PAK5: variants seen among roughly 807,000 people sequenced by gnomAD.
PAK5 encodes the protein serine/threonine-protein kinase PAK 5.
In PAK5, 16 loss-of-function variants were observed where a neutral mutation model predicts 65.9. The ratio of observed to expected loss-of-function variants is 0.24; its 90% CI spans 0.16 to 0.37. The LOEUF (loss-of-function observed/expected upper bound fraction) is 0.37, where lower values mean the gene tolerates loss of function less well. Ranked by LOEUF, PAK5 falls within the 10% of genes least tolerant of loss-of-function variation. PAK5 has a pLI of 1.00. For synonymous variants in PAK5, 371 were observed against 354.9 expected (o/e 1.05, Z -0.51); for missense variants, 785 against 903.9 (o/e 0.87, Z 1.69).
chr20:9,561,997 A>G (rs2045597994), intron 6 of PAK5, among the ~76,000 whole-genome samples: 2 of 152,304 alleles, frequency 1.3e-5, no homozygotes, highest in South Asian at 4.1e-4. Flanking sequence ...ATTTATGTGG[A>G]CACTGAAATT....
At chr20:9,653,655 C>T (rs1045321302) in intron 2 of PAK5, among the ~76,000 whole-genome samples, 6 of 152,194 alleles carry the variant, frequency 3.9e-5, no homozygotes, top group East Asian at 1.9e-4. Flanking sequence ...TACATCTATA[C>T]CTCTCTCTGA....
At chr20:9,697,272 T>C (rs901834408) in intron 2 of PAK5, among the ~76,000 whole-genome samples, 5 of 152,134 alleles carry the variant, frequency 3.3e-5, no homozygotes, top group Non-Finnish European at 7.4e-5. Context: ...TAACAGATGC[T>C]GAATAACTAT....
At chr20:9,733,099 G>T (rs998985769) in intron 1 of PAK5, among the ~76,000 whole-genome samples, 1 of 152,126 alleles carries the variant, frequency 6.6e-6, no homozygotes, top group Non-Finnish European at 1.5e-5. Context: ...GCAGATACTG[G>T]CTAGGGACTG....
In PAK5 at chr20:9,580,703, T is replaced by C. The variant is rs2045964076; in HGVS notation, c.432A>G (p.Glu144=). Residue 144 remains glutamate, a synonymous_variant, in exon 4 of 10, where the codon GAA becomes GAG. Coordinates refer to ENST00000353224, the MANE Select transcript of PAK5 (RefSeq NM_177990.4). ...ESDTTADYTT[E]KYREKSLYGD... ...CATAGAGACTCTTCTCCCTGTACTTTTCGGTCGTGTAGTCAGCAGTAGTAT... is the reference window on the plus strand; with the variant it reads ...CATAGAGACTCTTCTCCCTGTACTTCTCGGTCGTGTAGTCAGCAGTAGTAT... 6.2e-7 allele frequency: 1 copy of C among 1,613,952 alleles called. No individual in the cohort carries two copies. The highest frequency in any genetic ancestry group is 1.1e-5 in the South Asian group (1 of 91,072).
chr20:9,640,626 G>A (rs1228098560), intron 3 of PAK5, among the ~76,000 whole-genome samples: 3 of 152,112 alleles, frequency 2.0e-5, no homozygotes, highest in Admixed American at 6.5e-5. Flanking sequence ...GCGGACCCTC[G>A]CGGTGAGTGT....
chr20:9,643,526 G>C (rs949674010), intron 3 of PAK5, among the ~76,000 whole-genome samples: 1 of 151,976 alleles, frequency 6.6e-6, no homozygotes, highest in Admixed American at 6.6e-5. Context: ...ATTTGAAATA[G>C]CTCTCTTTTA....
At chr20:9,566,569 A>G (rs1568968027) in intron 4 of PAK5, among the ~76,000 whole-genome samples, 185 bp from the exon 5 acceptor site, 2 of 151,950 alleles carry the variant, frequency 1.3e-5, no homozygotes, top group Admixed American at 6.5e-5. Flanking sequence ...CACGTGCACC[A>G]CAGCAGGAGG....
chr20:9,594,372 C>T (rs1337666726), intron 3 of PAK5, among the ~76,000 whole-genome samples: 1 of 152,218 alleles, frequency 6.6e-6, no homozygotes, highest in Non-Finnish European at 1.5e-5. Flanking sequence ...CATTTGCAGG[C>T]TTCTAAATTA....
At chr20:9,544,897 T>G (rs2045320780) in intron 7 of PAK5, among the ~76,000 whole-genome samples, 1 of 152,258 alleles carries the variant, frequency 6.6e-6, no homozygotes, top group Admixed American at 6.5e-5. Context: ...TTGAACAAAC[T>G]GATGTAATTT....
chr20:9,726,073 T>C (rs967613554), intron 1 of PAK5, among the ~76,000 whole-genome samples: 2 of 152,178 alleles, frequency 1.3e-5, no homozygotes, highest in Admixed American at 1.3e-4. Flanking sequence ...CCCATATTTG[T>C]AGGAGTCAAG....
At chr20:9,701,785 G>A (rs1175691407) in intron 2 of PAK5, among the ~76,000 whole-genome samples, 1 of 152,040 alleles carries the variant, frequency 6.6e-6, no homozygotes, top group Non-Finnish European at 1.5e-5. Context: ...GATCACTTAA[G>A]CTCAGGAGTT....
intron 1 of PAK5, among the ~76,000 whole-genome samples, chr20:9,747,587 C>A (rs1336195997): frequency 6.6e-6 from 1 of 151,466 alleles, no homozygotes; most frequent in Non-Finnish European, 1.5e-5. Context: ...ACAAAAACCA[C>A]ATGATTATCT....
intron 1 of PAK5, among the ~76,000 whole-genome samples, chr20:9,718,342 G>C (rs1321958632): frequency 6.6e-6 from 1 of 152,052 alleles, no homozygotes; most frequent in Non-Finnish European, 1.5e-5. Context: ...AGGTAACTTA[G>C]AGACTGGAAG....
intron 2 of PAK5, among the ~76,000 whole-genome samples, chr20:9,659,930 T>C (rs1043673197): frequency 6.6e-6 from 1 of 152,150 alleles, no homozygotes; most frequent in Non-Finnish European, 1.5e-5. Flanking sequence ...CTCTTCATAT[T>C]TGCTTCTCTA....
At chr20:9,710,552 C>T (rs1362399804) in intron 2 of PAK5, among the ~76,000 whole-genome samples, 1 of 152,164 alleles carries the variant, frequency 6.6e-6, no homozygotes, top group Non-Finnish European at 1.5e-5. Context: ...TCTCCAATGC[C>T]ACATCCCTAA....
chr20:9,768,777 C>T (rs79920352), intron 1 of PAK5, among the ~76,000 whole-genome samples: 1,708 of 110,988 alleles, frequency 0.015, 17 homozygotes, highest in South Asian at 0.043. Context: ...AGCAACAGAG[C>T]GAGACTCCAT....
At chr20:9,552,872 C>T (rs913390517) in intron 7 of PAK5, among the ~76,000 whole-genome samples, 5 of 151,882 alleles carry the variant, frequency 3.3e-5, no homozygotes, top group African/African-American at 1.2e-4. Flanking sequence ...AGACAAATGC[C>T]ACCATATCCA....
intron 4 of PAK5, among the ~76,000 whole-genome samples, chr20:9,569,246 A>G (rs1349883721): frequency 6.6e-6 from 1 of 152,240 alleles, no homozygotes; most frequent in East Asian, 1.9e-4. Flanking sequence ...TGGAAAATTA[A>G]GAGTTCTTTT....
intron 6 of PAK5, among the ~76,000 whole-genome samples, chr20:9,561,617 G>A (rs2045591545): frequency 6.6e-6 from 1 of 151,982 alleles, no homozygotes; most frequent in South Asian, 2.1e-4. Flanking sequence ...CATTTCAGTG[G>A]AGAAAAAACA....
Sources: allele counts gnomAD v4.1 joint callset (sites outside exome capture counted in the v4.1 genomes callset), GRCh38; gene constraint gnomAD v4.1.1; transcripts MANE v1.5; gene names NCBI Gene and HGNC (gene_info 2026-07-23, HGNC 2026-07-21).